The following SMYD3 variants were observed in gnomAD, a reference collection of about 807,000 sequenced individuals.
SMYD3 encodes the protein SET and MYND domain containing 3.
Under a neutral mutation model 57.7 loss-of-function variants are expected in SMYD3, and 36 were observed. The observed-to-expected ratio is 0.62, with a 90% confidence interval of 0.48 to 0.82. The LOEUF is 0.82. Among genes scored for constraint, SMYD3 ranks in the 40% least tolerant of loss-of-function variants. The pLI is 0.00. For missense variants in SMYD3, 515 were observed against 538.8 expected, an observed-to-expected ratio of 0.96 and a Z score of 0.44; for synonymous variants, 211 against 195.0, an observed-to-expected ratio of 1.08 and a Z score of -0.68.
rs138004045 is a variant in SMYD3 at position 246,489,886 on chromosome 1, G to A, written c.164+17168C>T. Among the ~76,000 whole-genome samples, 11 of 151,980 alleles carry A rather than the reference G, an allele frequency of 7.2e-5. 1 individual carries two copies. The highest frequency in any genetic ancestry group is 1.5e-4 in the Non-Finnish European group (10 of 67,976). Reference sequence around the variant, plus strand: ...GTCTCGCTCTGTCACCCAGTGGAGTGACAAAATCACAGCTCATAGCAGCCT... The same window carrying A: ...GTCTCGCTCTGTCACCCAGTGGAGTAACAAAATCACAGCTCATAGCAGCCT... On this transcript the variant is annotated intron_variant, in intron 1 of 11. Coordinates refer to ENST00000490107, the MANE Select transcript of SMYD3 (RefSeq NM_001167740.2).
At chr1:245,951,868 T>C (rs975083568) in intron 5 of SMYD3, among the ~76,000 whole-genome samples, 2 of 152,188 alleles carry the variant, frequency 1.3e-5, no homozygotes, top group African/African-American at 4.8e-5. Flanking sequence ...CACATGATCC[T>C]TTCTTTCCCT....
intron 5 of SMYD3, among the ~76,000 whole-genome samples, chr1:246,189,574 A>G (rs1229554968): frequency 6.6e-6 from 1 of 152,230 alleles, no homozygotes; most frequent in Non-Finnish European, 1.5e-5. Context: ...AAGACACAGG[A>G]GAGGCTAAAG....
intron 8 of SMYD3, among the ~76,000 whole-genome samples, chr1:245,896,242 G>T (rs549998764): frequency 3.3e-5 from 5 of 152,198 alleles, no homozygotes; most frequent in African/African-American, 1.2e-4. Flanking sequence ...CAAAGACTTA[G>T]ATTTTTACCT....
At chr1:246,403,681 A>C (rs976530297) in intron 1 of SMYD3, among the ~76,000 whole-genome samples, 3 of 152,228 alleles carry the variant, frequency 2.0e-5, no homozygotes, top group Non-Finnish European at 4.4e-5. Flanking sequence ...AAACTGATAA[A>C]GTGTGGTCTA....
At chr1:245,873,467 T>A (rs909556450) in intron 8 of SMYD3, among the ~76,000 whole-genome samples, 1 of 152,210 alleles carries the variant, frequency 6.6e-6, no homozygotes, top group African/African-American at 2.4e-5. Flanking sequence ...GCAAAGATTT[T>A]ACAGGAAAAT....
chr1:246,326,509 C>G, intron 5 of SMYD3: 1 of 552,476 alleles, frequency 1.8e-6, no homozygotes, highest in South Asian at 2.5e-5. Flanking sequence ...CGTGGCAGTT[C>G]GCGCCTGTAA....
At chr1:246,257,365 T>A (rs78756414) in intron 5 of SMYD3, among the ~76,000 whole-genome samples, 72 of 152,352 alleles carry the variant, frequency 4.7e-4, no homozygotes, top group Non-Finnish European at 9.1e-4. Context: ...GACAATTAAA[T>A]CCTCTTGTTG....
intron 5 of SMYD3, among the ~76,000 whole-genome samples, chr1:245,960,369 G>A (rs1445875789): frequency 6.6e-6 from 1 of 152,174 alleles, no homozygotes; most frequent in Non-Finnish European, 1.5e-5. Context: ...GACAATTTAG[G>A]TCAAGGGACA....
intron 5 of SMYD3, among the ~76,000 whole-genome samples, chr1:246,272,028 A>C (rs1331612102): frequency 6.6e-6 from 1 of 152,038 alleles, no homozygotes; most frequent in Non-Finnish European, 1.5e-5. Context: ...TTAATTCCTA[A>C]GTATTTTATT....
chr1:246,354,341 C>CA (rs1389633871), intron 2 of SMYD3, among the ~76,000 whole-genome samples: 1 of 152,184 alleles, frequency 6.6e-6, no homozygotes, highest in Non-Finnish European at 1.5e-5. Flanking sequence ...TAAATTAACT[C>CA]AAACTCTTGG....
At chr1:245,816,259 C>T (rs185358424) in intron 10 of SMYD3, among the ~76,000 whole-genome samples, 7 of 152,028 alleles carry the variant, frequency 4.6e-5, no homozygotes, top group African/African-American at 7.2e-5. Context: ...TCAGTTTAGA[C>T]GGCAGCAGCA....
intron 5 of SMYD3, chr1:245,930,965 G>A (rs2056680459): frequency 6.6e-6 from 1 of 152,216 alleles, no homozygotes; most frequent in Non-Finnish European, 1.5e-5. Flanking sequence ...CTCATATCAG[G>A]AGAAAGAGCA....
At chr1:245,837,929 A>G (rs980600284) in intron 10 of SMYD3, among the ~76,000 whole-genome samples, 8 of 152,276 alleles carry the variant, frequency 5.3e-5, no homozygotes, top group Non-Finnish European at 8.8e-5. Flanking sequence ...AGTCAACGGC[A>G]TAACACAATG....
In SMYD3 at chr1:246,384,559, C is replaced by G. The variant is rs561382872; in HGVS notation, c.165-29465G>C. On this transcript the variant is annotated intron_variant, in intron 1 of 11. Transcript: ENST00000490107. ...TACAGGTGCCCGCCACCACGCCCGG[C>G]TAATTTTTTGTATTCTTAGTAGAGA... Among the ~76,000 whole-genome samples, 17 of 152,138 alleles carry G rather than the reference C, an allele frequency of 1.1e-4. No homozygotes were observed. In the South Asian group the frequency reaches 3.5e-3, roughly 32 times the overall value.
rs112946799 is a variant in SMYD3 at position 245,927,701 on chromosome 1, G to A, written c.702+230C>T. Among the ~76,000 whole-genome samples the A allele has an allele frequency of 7.5e-3, 1,147 of 152,260 alleles. 18 individuals are homozygous for A. Among genetic ancestry groups the A allele is most frequent in the African/African-American group, 0.026 (1,100 of 41,546 alleles). On this transcript the variant is annotated intron_variant, in intron 7 of 11. Transcript: ENST00000490107. Reference sequence around the variant, plus strand: ...CTCTCTCACACACAGGACAGGAACTGTCATCATCCAGAAATATGGTGACCT... The same window carrying A: ...CTCTCTCACACACAGGACAGGAACTATCATCATCCAGAAATATGGTGACCT...
At chr1:246,112,786 G>A (rs2061268179) in intron 5 of SMYD3, among the ~76,000 whole-genome samples, 1 of 152,218 alleles carries the variant, frequency 6.6e-6, no homozygotes, top group South Asian at 2.1e-4. Flanking sequence ...CTGTCTTATA[G>A]AACAGAAATG....
intron 9 of SMYD3, among the ~76,000 whole-genome samples, chr1:245,861,636 C>A (rs968957813): frequency 6.6e-6 from 1 of 152,188 alleles, no homozygotes; most frequent in Non-Finnish European, 1.5e-5. Context: ...ATGTTCTGCG[C>A]GTCTGCACAG....
intron 5 of SMYD3, among the ~76,000 whole-genome samples, chr1:246,102,752 A>AT (rs1553289365): frequency 2.0e-5 from 3 of 148,100 alleles, no homozygotes; most frequent in African/African-American, 7.5e-5. Flanking sequence ...TCAAAAAAAA[A>AT]AAAAATAATA....
At chr1:246,082,427 G>T (rs545220655) in intron 5 of SMYD3, among the ~76,000 whole-genome samples, 79 of 152,220 alleles carry the variant, frequency 5.2e-4, no homozygotes, top group Non-Finnish European at 8.8e-4. Context: ...TTATGACTCA[G>T]TTGGTCCCAT....
Sources: allele counts gnomAD v4.1 joint callset (sites outside exome capture counted in the v4.1 genomes callset), GRCh38; gene constraint gnomAD v4.1.1; transcripts MANE v1.5; gene names NCBI Gene and HGNC (gene_info 2026-07-23, HGNC 2026-07-21).